The following GALNTL6 variants were observed in gnomAD, a reference collection of about 807,000 sequenced individuals.
GALNTL6 encodes the protein polypeptide N-acetylgalactosaminyltransferase like 6.
In GALNTL6, 46 loss-of-function variants were observed where a neutral mutation model predicts 73.7. That is an observed-to-expected ratio of 0.62 (90% CI 0.49 to 0.80). The LOEUF is 0.80. Ranked by LOEUF, GALNTL6 falls within the 30% of genes least tolerant of loss-of-function variation. GALNTL6 has a pLI of 0.00. For missense variants in GALNTL6, 604 were observed against 755.0 expected (o/e 0.80, Z 2.34); for synonymous variants, 259 against 263.7 (o/e 0.98, Z 0.17).
chr4:172,730,870 G>A (rs1736105274), intron 5 of GALNTL6, among the ~76,000 whole-genome samples: 2 of 152,046 alleles, frequency 1.3e-5, no homozygotes, highest in African/African-American at 4.8e-5. Flanking sequence ...CACGAGGTCA[G>A]GAGATCGAGA....
At chr4:172,936,101 T>C (rs1427295695) in intron 9 of GALNTL6, among the ~76,000 whole-genome samples, 1 of 152,190 alleles carries the variant, frequency 6.6e-6, no homozygotes, top group East Asian at 1.9e-4. Context: ...GTTGGCTTCA[T>C]ACCTGGGATG....
chr4:172,417,896 A>G (rs1730900983), intron 5 of GALNTL6, among the ~76,000 whole-genome samples: 1 of 152,192 alleles, frequency 6.6e-6, no homozygotes, highest in Non-Finnish European at 1.5e-5. Flanking sequence ...GCACTGCTGC[A>G]GTTAAGTATG....
intron 2 of GALNTL6, among the ~76,000 whole-genome samples, chr4:171,912,598 A>G (rs984036831): frequency 9.2e-5 from 14 of 152,212 alleles, no homozygotes; most frequent in African/African-American, 3.1e-4. Flanking sequence ...AATATACAAT[A>G]AATTATAGCT....
chr4:172,043,038 C>T (rs1742129565), intron 2 of GALNTL6, among the ~76,000 whole-genome samples: 2 of 151,866 alleles, frequency 1.3e-5, no homozygotes, highest in South Asian at 4.1e-4. Flanking sequence ...TGGTCATTAC[C>T]TTTCAGCCAC....
rs141255188 is a variant in GALNTL6, at chr4:173,039,993, A to C, written c.1699A>C (p.Lys567Gln). 2.0e-5 allele frequency: 33 copies of C among 1,613,894 alleles called. No individual in the cohort carries two copies. Among genetic ancestry groups the C allele is most frequent in the Middle Eastern group, 1.7e-4 (1 of 6,060 alleles). ...SCMDCNPAEKKIFMARCDPLS... is the reference protein window; with the variant it reads ...SCMDCNPAEKQIFMARCDPLS... ...CATGGATTGCAACCCCGCAGAGAAGAAGATTTTCATGGCCAGATGTGACCC... is the reference window on the plus strand; with the variant it reads ...CATGGATTGCAACCCCGCAGAGAAGCAGATTTTCATGGCCAGATGTGACCC... Residue 567 changes from lysine to glutamine, a missense_variant, in exon 13 of 13, where the codon AAG becomes CAG. Around this residue, in one of 5 missense-constraint regions of GALNTL6, gnomAD observed 261 missense variants for 296.5 expected, o/e 0.88. Transcript: ENST00000506823.
At chr4:172,192,816 G>A (rs997658270) in intron 2 of GALNTL6, among the ~76,000 whole-genome samples, 1 of 152,174 alleles carries the variant, frequency 6.6e-6, no homozygotes, top group African/African-American at 2.4e-5. Flanking sequence ...TTGGGGGGAA[G>A]GGGTGCCTGC....
rs538636246 is a variant in GALNTL6 at position 172,321,797 on chromosome 4, G to A, written c.386+10045G>A. Among the ~76,000 whole-genome samples, 13 of 152,248 alleles carry A rather than the reference G, an allele frequency of 8.5e-5. No homozygotes were observed. In the South Asian group the frequency reaches 2.7e-3, roughly 32 times the overall value. ...GGCAGGAGAGGGTCCCCCACCACCA[G>A]AAATGTCAGGCAACCATCATGTGAT... is the stretch of plus-strand genomic sequence containing the variant. On this transcript the variant is annotated intron_variant, in intron 4 of 12. Coordinates refer to ENST00000506823, the MANE Select transcript of GALNTL6 (RefSeq NM_001034845.3).
chr4:172,135,898 ATAAGT>A (rs1199741898), intron 2 of GALNTL6, among the ~76,000 whole-genome samples: 7 of 152,168 alleles, frequency 4.6e-5, no homozygotes, highest in Admixed American at 4.6e-4. Context: ...TTTTAATTGC[ATAAGT>A]TAAAAGTCAT....
chr4:172,142,115 T>A (rs912378176), intron 2 of GALNTL6, among the ~76,000 whole-genome samples: 1 of 152,072 alleles, frequency 6.6e-6, no homozygotes, highest in African/African-American at 2.4e-5. Context: ...TTATTTTGTT[T>A]ATATTCTAAA....
intron 2 of GALNTL6, among the ~76,000 whole-genome samples, chr4:171,878,860 G>C (rs1331998073): frequency 6.6e-6 from 1 of 152,036 alleles, no homozygotes; most frequent in Non-Finnish European, 1.5e-5. Context: ...GTGAGTTCTC[G>C]TGAGATCTGT....
At chr4:172,902,080 A>C (rs1047351012) in intron 8 of GALNTL6, among the ~76,000 whole-genome samples, 7 of 152,198 alleles carry the variant, frequency 4.6e-5, no homozygotes, top group African/African-American at 1.7e-4. Flanking sequence ...GCATTGTTCC[A>C]AATCCAGGTA....
At chr4:172,674,567 T>C (rs1167084668) in intron 5 of GALNTL6, among the ~76,000 whole-genome samples, 1 of 152,180 alleles carries the variant, frequency 6.6e-6, no homozygotes, top group East Asian at 1.9e-4. Context: ...TTTTCCAAGT[T>C]GGTTCCATTC....
At chr4:172,078,328 G>A (rs13138828) in intron 2 of GALNTL6, among the ~76,000 whole-genome samples, 49,856 of 151,972 alleles carry the variant, frequency 0.33, 9,219 homozygotes, top group East Asian at 0.52. Context: ...GTCACCATGT[G>A]TGGAAGGTGC....
At chr4:172,110,783 G>A (rs1732828071) in intron 2 of GALNTL6, among the ~76,000 whole-genome samples, 1 of 152,040 alleles carries the variant, frequency 6.6e-6, no homozygotes, top group African/African-American at 2.4e-5. Context: ...TGCAGATTTG[G>A]ATGATACATT....
intron 9 of GALNTL6, among the ~76,000 whole-genome samples, chr4:172,946,124 CGTGTGTGTGT>C (rs71594019): frequency 4.0e-5 from 6 of 148,430 alleles, no homozygotes; most frequent in Non-Finnish European, 6.0e-5. Context: ...GGGGAAAAAG[CGTGTGTGTGT>C]GTGTGTGTGT....
At chr4:172,156,541 A>C (rs7677535) in intron 2 of GALNTL6, among the ~76,000 whole-genome samples, 410 of 7,408 alleles carry the variant, frequency 0.055, 19 homozygotes, top group South Asian at 0.13. Flanking sequence ...TATATATATA[A>C]TATATATATA....
chr4:172,075,442 T>C (rs901382236), intron 2 of GALNTL6, among the ~76,000 whole-genome samples: 5 of 152,012 alleles, frequency 3.3e-5, no homozygotes, highest in Non-Finnish European at 7.4e-5. Flanking sequence ...TTACGCCATT[T>C]TCCTGCCTCA....
At position 172,440,773 on chromosome 4, in the gene GALNTL6, A is replaced by T. The variant is rs1353849008; in HGVS notation, c.553+92084A>T. Among the ~76,000 whole-genome samples, 6 of 56,580 alleles carry T rather than the reference A, an allele frequency of 1.1e-4. No homozygotes were observed. The South Asian group carries it at 4.8e-3, about 45-fold the overall frequency. The allele number at this position is 56,580 out of a possible 152,430, so 37.1% of individuals were successfully genotyped here. On this transcript the variant is annotated intron_variant, in intron 5 of 12. Coordinates refer to ENST00000506823, the MANE Select transcript of GALNTL6 (RefSeq NM_001034845.3). Reference sequence around the variant, plus strand: ...CTTCTAACTTTGCTGTAAATCTAAAACTGCTTTAAAAATAAATAAAGTCTT... The same window carrying T: ...CTTCTAACTTTGCTGTAAATCTAAATCTGCTTTAAAAATAAATAAAGTCTT...
intron 7 of GALNTL6, among the ~76,000 whole-genome samples, chr4:172,860,562 T>C (rs1323615631): frequency 6.6e-6 from 1 of 152,202 alleles, no homozygotes; most frequent in African/African-American, 2.4e-5. Flanking sequence ...TCTTAGATAC[T>C]CTACCAAAAA....
Sources: allele counts gnomAD v4.1 joint callset (sites outside exome capture counted in the v4.1 genomes callset), GRCh38; gene constraint gnomAD v4.1.1; regional missense constraint gnomAD v4.1.1; transcripts MANE v1.5; gene names NCBI Gene and HGNC (gene_info 2026-07-23, HGNC 2026-07-21).